The following KIF3A variants were observed in gnomAD, a reference collection of about 807,000 sequenced individuals.
KIF3A encodes kinesin-like protein KIF3A.
A neutral mutation model predicts 92.6 loss-of-function variants in KIF3A; 27 were observed. The observed-to-expected ratio is 0.29, with a 90% confidence interval of 0.21 to 0.40. The LOEUF is 0.40. Among genes scored for constraint, KIF3A ranks in the 10% least tolerant of loss-of-function variants. KIF3A has a pLI of 1.00. For missense variants in KIF3A, 581 were observed against 872.6 expected (o/e 0.67, Z 4.21); for synonymous variants, 250 against 275.4 (o/e 0.91, Z 0.92).
At chr5:132,733,275 T>C (rs1001214162) in intron 2 of KIF3A, among the ~76,000 whole-genome samples, 1 of 152,204 alleles carries the variant, frequency 6.6e-6, no homozygotes, top group African/African-American at 2.4e-5. Context: ...ATTTGATATT[T>C]GAATTTTATC....
At chr5:132,705,685 G>A (rs1753187423) in intron 11 of KIF3A, among the ~76,000 whole-genome samples, 1 of 151,712 alleles carries the variant, frequency 6.6e-6, no homozygotes, top group South Asian at 2.1e-4. Flanking sequence ...ATATAGCCAG[G>A]GTTAGTTTCA....
intron 2 of KIF3A, among the ~76,000 whole-genome samples, chr5:132,731,124 A>C (rs1434721625): frequency 6.6e-6 from 1 of 152,216 alleles, no homozygotes; most frequent in Non-Finnish European, 1.5e-5. Flanking sequence ...TACCAATTCT[A>C]GACAAATTCT....
intron 12 of KIF3A, 111 bp downstream of exon 12, chr5:132,703,352 C>A (rs1178418736): frequency 1.1e-6 from 1 of 905,468 alleles, no homozygotes; most frequent in African/African-American, 1.7e-5. Context: ...AATAGCTACA[C>A]TGGAGACAAA....
Position 132,693,258 on chromosome 5 carries a change from G to A in KIF3A, c.*3376C>T, listed in dbSNP as rs76111951. ...ATTCATGGGGCAAACATGGAGATGC[G>A]ACCCTTCCCTTGATTACTCATCTCA... On this transcript the variant is annotated 3_prime_UTR_variant, in exon 19 of 19. Coordinates refer to ENST00000403231, the MANE Select transcript of KIF3A (RefSeq NM_001300791.2). The A allele has an allele frequency of 8.3e-3, 1,263 of 152,122 alleles. 12 individuals are homozygous for A. Among genetic ancestry groups the A allele is most frequent in the Non-Finnish European group, 0.013 (892 of 67,992 alleles). 9.4% of individuals were successfully genotyped at this position (152,122 alleles called of 1,614,324 possible).
chr5:132,707,826 T>A (rs1432064631), intron 10 of KIF3A, among the ~76,000 whole-genome samples: 1 of 152,218 alleles, frequency 6.6e-6, no homozygotes, highest in Non-Finnish European at 1.5e-5. Context: ...AAAGCAACAC[T>A]ACTCCCCTTT....
At chr5:132,724,792 TA>T (rs756540926) in intron 4 of KIF3A, among the ~76,000 whole-genome samples, 2,385 of 64,296 alleles carry the variant, frequency 0.037, 180 homozygotes, top group African/African-American at 0.084. Context: ...TAAAGTATAA[TA>T]AAAAAAAAAA....
intron 2 of KIF3A, among the ~76,000 whole-genome samples, chr5:132,732,732 A>G (rs778807933): frequency 2.0e-5 from 3 of 152,128 alleles, no homozygotes; most frequent in Admixed American, 6.5e-5. Flanking sequence ...ACACGGTGAA[A>G]CCCCGTCTCT....
intron 8 of KIF3A, among the ~76,000 whole-genome samples, chr5:132,713,143 G>A (rs746295832): frequency 1.3e-5 from 2 of 151,982 alleles, no homozygotes; most frequent in African/African-American, 2.4e-5. Context: ...GCAACAGAGC[G>A]AGACTCTGTC....
At chr5:132,717,454 C>A (rs1753664980) in intron 5 of KIF3A, among the ~76,000 whole-genome samples, 1 of 152,058 alleles carries the variant, frequency 6.6e-6, no homozygotes, top group African/African-American at 2.4e-5. Context: ...TGCGCCACTG[C>A]ACTCCAGCTT....
intron 8 of KIF3A, among the ~76,000 whole-genome samples, chr5:132,711,439 A>G (rs1399360369): frequency 1.3e-5 from 2 of 152,058 alleles, no homozygotes; most frequent in African/African-American, 4.8e-5. Context: ...TAAAAATACA[A>G]AAATTAGCTG....
intron 11 of KIF3A, 140 bp from the exon 12 acceptor site, chr5:132,703,759 CAAT>C (rs1467462053): frequency 3.3e-6 from 2 of 598,698 alleles, no homozygotes; most frequent in South Asian, 2.6e-5. Flanking sequence ...GAAATCAAAC[CAAT>C]AATATCATGC....
At chr5:132,709,099 G>T in intron 9 of KIF3A, 121 bp from the exon 10 acceptor site, 1 of 743,362 alleles carries the variant, frequency 1.3e-6, no homozygotes, top group Non-Finnish European at 2.2e-6. Flanking sequence ...ATCAAGCTTT[G>T]TATTAAAGAA....
intron 5 of KIF3A, among the ~76,000 whole-genome samples, chr5:132,719,155 G>A (rs923175469): frequency 6.6e-6 from 1 of 152,134 alleles, no homozygotes; most frequent in African/African-American, 2.4e-5. Flanking sequence ...TCCATCCTCA[G>A]TGCCCATTTC....
Position 132,710,876 on chromosome 5 carries a change from T to A in KIF3A, c.1228+83A>T. 3 of 1,580,222 alleles carry A rather than the reference T, an allele frequency of 1.9e-6. No individual in the cohort carries two copies. In the South Asian group the frequency reaches 3.4e-5, roughly 18 times the overall value. On this transcript the variant is annotated intron_variant, in intron 9 of 18. Coordinates refer to ENST00000403231, the MANE Select transcript of KIF3A (RefSeq NM_001300791.2). ...ATTGTTATCTAATATATTAAACAGA[T>A]AACGGCAAAATAAAAGTCATGCACT...
chr5:132,700,739 A>G (rs1753008357), intron 15 of KIF3A, 39 bp from the exon 16 acceptor site: 2 of 1,269,034 alleles, frequency 1.6e-6, no homozygotes, highest in Admixed American at 1.8e-5. Context: ...TTTAATATTT[A>G]ATAACATCTA....
intron 2 of KIF3A, among the ~76,000 whole-genome samples, chr5:132,727,621 C>A (rs1023498420): frequency 3.3e-5 from 5 of 152,168 alleles, no homozygotes; most frequent in African/African-American, 1.2e-4. Context: ...GCCATAATCA[C>A]ACAGTATAAT....
intron 1 of KIF3A, chr5:132,736,692 CA>C: frequency 2.4e-6 from 1 of 414,638 alleles, no homozygotes; most frequent in East Asian, 7.4e-5. Flanking sequence ...ATAACAACCC[CA>C]TGAGGTAAAG....
chr5:132,736,988 A>G, intron 1 of KIF3A: 1 of 310,122 alleles, frequency 3.2e-6, no homozygotes, highest in Admixed American at 4.9e-5. Flanking sequence ...GGCCTGGAAT[A>G]GGGGCAGGCA....
chr5:132,737,309 CACCCAG>C, intron 1 of KIF3A, 99 bp downstream of exon 1: 2 of 1,337,516 alleles, frequency 1.5e-6, no homozygotes, highest in South Asian at 1.4e-5. Context: ...TGCCCCGCCC[CACCCAG>C]GCCGCCTGCC....
Sources: allele counts gnomAD v4.1 joint callset (sites outside exome capture counted in the v4.1 genomes callset), GRCh38; gene constraint gnomAD v4.1.1; transcripts MANE v1.5; gene names NCBI Gene and HGNC (gene_info 2026-07-23, HGNC 2026-07-21).